RANBP2: variants seen among roughly 807,000 people sequenced by gnomAD.
RANBP2 encodes the protein E3 SUMO-protein ligase RanBP2.
RANBP2 carries 57 observed loss-of-function variants against 303.6 expected under a neutral mutation model. That is an observed-to-expected ratio of 0.19 (90% CI 0.15 to 0.23). RANBP2 has a LOEUF of 0.23. Among genes scored for constraint, RANBP2 ranks in the 10% least tolerant of loss-of-function variants. The pLI is 1.00. For missense variants in RANBP2, 3,138 were observed against 3,780.8 expected (o/e 0.83, Z 4.46); for synonymous variants, 1,167 against 1,301.5 (o/e 0.90, Z 2.23).
At chr2:109,550,729 G>A in the RANBP2 span, among the ~76,000 whole-genome samples, 1 of 152,160 alleles carries the variant, frequency 6.6e-6, no homozygotes, top group South Asian at 2.1e-4. Flanking sequence ...CTAGAAGTTA[G>A]AGCCCAGTCT....
At chr2:109,008,957 A>G in the RANBP2 span, among the ~76,000 whole-genome samples, 19 of 151,888 alleles carry the variant, frequency 1.3e-4, no homozygotes, top group Non-Finnish European at 2.8e-4. Context: ...CCTCTCCTTT[A>G]TATCTAATAC....
chr2:109,687,466 T>C, the RANBP2 span, among the ~76,000 whole-genome samples: 1 of 152,158 alleles, frequency 6.6e-6, no homozygotes, highest in Non-Finnish European at 1.5e-5. Flanking sequence ...GAATGGGCTC[T>C]AGAATGGGCT....
At chr2:109,587,084 T>C in the RANBP2 span, among the ~76,000 whole-genome samples, 2 of 152,104 alleles carry the variant, frequency 1.3e-5, no homozygotes, top group Non-Finnish European at 2.9e-5. Context: ...AATTAGCAGG[T>C]AAGAACTTTA....
At chr2:109,685,416 G>T in the RANBP2 span, among the ~76,000 whole-genome samples, 1 of 152,194 alleles carries the variant, frequency 6.6e-6, no homozygotes, top group Non-Finnish European at 1.5e-5. Context: ...CTTTGTAGAG[G>T]TTGTACCAGT....
the RANBP2 span, among the ~76,000 whole-genome samples, chr2:108,928,705 A>T: frequency 6.6e-6 from 1 of 152,162 alleles, no homozygotes. Context: ...GGAAGATTTT[A>T]TCTTTCTCTC....
the RANBP2 span, among the ~76,000 whole-genome samples, chr2:109,509,936 C>CTA: frequency 6.6e-6 from 1 of 152,100 alleles, no homozygotes; most frequent in Non-Finnish European, 1.5e-5. Flanking sequence ...CGGGCAAATA[C>CTA]TATAGGGCAA....
At chr2:109,009,758 G>A in the RANBP2 span, among the ~76,000 whole-genome samples, 2 of 147,580 alleles carry the variant, frequency 1.4e-5, no homozygotes, top group Non-Finnish European at 3.0e-5. Flanking sequence ...GTTTACCCAG[G>A]CTGGTCTCAA....
At chr2:108,805,398 T>A in the RANBP2 span, among the ~76,000 whole-genome samples, 1 of 152,174 alleles carries the variant, frequency 6.6e-6, no homozygotes, top group African/African-American at 2.4e-5. Context: ...CTCATGGTTA[T>A]AAACTGGTAT....
At chr2:109,575,103 C>A in the RANBP2 span, among the ~76,000 whole-genome samples, 4 of 152,332 alleles carry the variant, frequency 2.6e-5, no homozygotes, top group African/African-American at 7.2e-5. Flanking sequence ...ACTTCCGAAA[C>A]CATCAGGGCA....
At chr2:108,839,212 C>G in the RANBP2 span, 1 of 1,611,534 alleles carries the variant, frequency 6.2e-7, no homozygotes, top group Non-Finnish European at 8.5e-7. Flanking sequence ...AGAGCAGCTA[C>G]AGTGGATGCC....
At chr2:109,292,710 A>G in the RANBP2 span, among the ~76,000 whole-genome samples, 1 of 152,164 alleles carries the variant, frequency 6.6e-6, no homozygotes, top group Non-Finnish European at 1.5e-5. Context: ...GGTCCATGTA[A>G]CAGCAATTTG....
the RANBP2 span, among the ~76,000 whole-genome samples, chr2:109,296,051 T>A: frequency 1.0e-3 from 154 of 152,078 alleles, 2 homozygotes; most frequent in African/African-American, 3.6e-3. Flanking sequence ...TGAAGTTTCC[T>A]CCCCAGGATC....
At chr2:109,105,854 C>CTT in the RANBP2 span, among the ~76,000 whole-genome samples, 225 of 124,960 alleles carry the variant, frequency 1.8e-3, 3 homozygotes, top group African/African-American at 6.4e-3. Context: ...CGCGCCTGGT[C>CTT]TTTTTTTTTT....
At chr2:109,168,568 T>C in the RANBP2 span, among the ~76,000 whole-genome samples, 1 of 152,216 alleles carries the variant, frequency 6.6e-6, no homozygotes, top group Non-Finnish European at 1.5e-5. Flanking sequence ...CTACTTCTAA[T>C]CTTCGGACTG....
the RANBP2 span, among the ~76,000 whole-genome samples, chr2:109,277,182 G>A: frequency 6.6e-6 from 1 of 152,180 alleles, no homozygotes; most frequent in Non-Finnish European, 1.5e-5. Flanking sequence ...GTTAGAAACA[G>A]TTCCCAGAAT....
chr2:108,910,752 G>A, the RANBP2 span: 21 of 1,611,628 alleles, frequency 1.3e-5, no homozygotes, highest in South Asian at 2.2e-5. Context: ...TGCACATGGT[G>A]TGTGGAAGCC....
At chr2:109,472,319 C>T in the RANBP2 span, among the ~76,000 whole-genome samples, 1 of 151,966 alleles carries the variant, frequency 6.6e-6, no homozygotes, top group Non-Finnish European at 1.5e-5. Context: ...GCCTCCCGGG[C>T]CCTCCTCACC....
chr2:109,098,849 C>A, the RANBP2 span, among the ~76,000 whole-genome samples: 1 of 152,026 alleles, frequency 6.6e-6, no homozygotes, highest in East Asian at 1.9e-4. Flanking sequence ...CCTGTAATAC[C>A]CGGTTATTTG....
intron 2 of RANBP2, among the ~76,000 whole-genome samples, 179 bp from the exon 3 acceptor site, chr2:108,730,595 G>A (rs1050046471): frequency 1.3e-5 from 2 of 152,140 alleles, no homozygotes; most frequent in Non-Finnish European, 2.9e-5. Context: ...CTATGTACGT[G>A]TTTTTAAGTA....
Sources: allele counts gnomAD v4.1 joint callset (sites outside exome capture counted in the v4.1 genomes callset), GRCh38; gene constraint gnomAD v4.1.1; transcripts MANE v1.5; gene names NCBI Gene and HGNC (gene_info 2026-07-23, HGNC 2026-07-21).